The following TAFA2 variants were observed in gnomAD, a reference collection of about 807,000 sequenced individuals.
TAFA2 encodes the protein chemokine-like protein TAFA-2.
In TAFA2, 7 loss-of-function variants were observed where a neutral mutation model predicts 18.8. That is an observed-to-expected ratio of 0.37 (90% CI 0.21 to 0.70). The LOEUF is 0.70. TAFA2 is among the 30% of genes least tolerant of loss of function. TAFA2 has a pLI of 0.53. For synonymous variants in TAFA2, 60 were observed against 54.2 expected (o/e 1.11, Z -0.47); for missense variants, 122 against 158.1 (o/e 0.77, Z 1.23).
intron 1 of TAFA2, among the ~76,000 whole-genome samples, chr12:61,957,083 G>A (rs1040638099): frequency 1.2e-4 from 19 of 152,132 alleles, no homozygotes; most frequent in African/African-American, 4.6e-4. Flanking sequence ...CGCTGACAGA[G>A]ATGGCAGTTA....
At chr12:62,168,306 A>ACAC (rs761288859) in intron 1 of TAFA2, among the ~76,000 whole-genome samples, 25 of 152,196 alleles carry the variant, frequency 1.6e-4, no homozygotes, top group Non-Finnish European at 3.2e-4. Context: ...ACACAACTAT[A>ACAC]CACCACCACC....
intron 1 of TAFA2, among the ~76,000 whole-genome samples, chr12:62,018,440 G>A (rs933519292): frequency 1.6e-4 from 25 of 152,058 alleles, no homozygotes; most frequent in African/African-American, 2.4e-4. Context: ...ATCTAGAAAT[G>A]TCAGTTCAAC....
chr12:62,156,077 C>G (rs942260045), intron 1 of TAFA2, among the ~76,000 whole-genome samples: 5 of 152,142 alleles, frequency 3.3e-5, no homozygotes, highest in African/African-American at 9.6e-5. Context: ...GAATCTACAA[C>G]AAACTCAAAC....
At chr12:62,203,321 TG>T (rs1448370386) in intron 1 of TAFA2, among the ~76,000 whole-genome samples, 1 of 152,246 alleles carries the variant, frequency 6.6e-6, no homozygotes, top group African/African-American at 2.4e-5. Flanking sequence ...CTGTTGTTTT[TG>T]GGTGGAGAGT....
intron 1 of TAFA2, among the ~76,000 whole-genome samples, chr12:61,998,440 C>T (rs1431231688): frequency 6.6e-6 from 1 of 152,144 alleles, no homozygotes; most frequent in African/African-American, 2.4e-5. Context: ...GCAAACAATA[C>T]TTTTTTATAC....
chr12:62,093,991 T>G (rs1209661947), intron 1 of TAFA2, among the ~76,000 whole-genome samples: 2 of 152,032 alleles, frequency 1.3e-5, no homozygotes, highest in Non-Finnish European at 2.9e-5. Flanking sequence ...AAGGTTAAAA[T>G]GAATGTAGCC....
chr12:61,984,453 G>A, intron 1 of TAFA2, among the ~76,000 whole-genome samples: 1 of 152,130 alleles, frequency 6.6e-6, no homozygotes, highest in Non-Finnish European at 1.5e-5. Flanking sequence ...AACAGCTGAG[G>A]GAAAACATTA....
rs148533880 is a variant in TAFA2 at position 62,045,952 on chromosome 12, C to T, written c.-2+145307G>A. On this transcript the variant is annotated intron_variant, in intron 1 of 4. Transcript: ENST00000416284. ...CCAGAGCAAGAGATCTGAGAGCTAA[C>T]GGAGAACTTAAGAATGAGAACTGTG... Among the ~76,000 whole-genome samples the T allele has an allele frequency of 1.3e-4, 20 of 151,992 alleles. 1 individual carries two copies. The highest frequency in any genetic ancestry group is 3.9e-4 in the East Asian group (2 of 5,170).
chr12:61,943,496 G>A (rs1410648521), intron 1 of TAFA2, among the ~76,000 whole-genome samples: 16 of 143,726 alleles, frequency 1.1e-4, no homozygotes, highest in African/African-American at 3.6e-4. Context: ...CCAATTAAAA[G>A]ACACAGACTG....
intron 2 of TAFA2, among the ~76,000 whole-genome samples, chr12:61,777,287 T>C (rs757855305): frequency 1.3e-5 from 2 of 151,878 alleles, no homozygotes; most frequent in Non-Finnish European, 2.9e-5. Flanking sequence ...AGTTTCCTCA[T>C]CTGCAAATCA....
chr12:61,834,608 A>G (rs902281127), intron 2 of TAFA2, among the ~76,000 whole-genome samples: 1 of 152,022 alleles, frequency 6.6e-6, no homozygotes, highest in African/African-American at 2.4e-5. Flanking sequence ...TAAAGGGTCA[A>G]CACATGCTTT....
chr12:61,786,461 CA>C (rs749730115), intron 2 of TAFA2, among the ~76,000 whole-genome samples: 1 of 151,164 alleles, frequency 6.6e-6, no homozygotes, highest in African/African-American at 2.4e-5. Flanking sequence ...CACAGAGGTA[CA>C]AAAAAAGTCC....
At chr12:61,907,789 C>T (rs1246378481) in intron 1 of TAFA2, among the ~76,000 whole-genome samples, 1 of 152,156 alleles carries the variant, frequency 6.6e-6, no homozygotes, top group Non-Finnish European at 1.5e-5. Flanking sequence ...GGTGGAGCTG[C>T]CCAAGGCTAT....
At chr12:61,836,684 T>C (rs1327965577) in intron 2 of TAFA2, among the ~76,000 whole-genome samples, 1 of 149,566 alleles carries the variant, frequency 6.7e-6, no homozygotes, top group Non-Finnish European at 1.5e-5. Context: ...TATATCTCTT[T>C]TTGCCATAAA....
intron 1 of TAFA2, among the ~76,000 whole-genome samples, chr12:62,128,258 G>A (rs1245424): frequency 0.34 from 52,240 of 151,812 alleles, 9,217 homozygotes; most frequent in African/African-American, 0.4. Context: ...TTGTCTATTC[G>A]ATGTTAATCT....
At chr12:62,122,195 C>A (rs111732111) in intron 1 of TAFA2, among the ~76,000 whole-genome samples, 18,049 of 152,170 alleles carry the variant, frequency 0.12, 1,366 homozygotes, top group Middle Eastern at 0.18. Flanking sequence ...ATGTAAAAAA[C>A]CTGCACTTGT....
At chr12:62,105,873 C>T (rs928570697) in intron 1 of TAFA2, among the ~76,000 whole-genome samples, 1 of 152,122 alleles carries the variant, frequency 6.6e-6, no homozygotes, top group Admixed American at 6.5e-5. Context: ...TAGAGGGCAA[C>T]ATCAAAAGGA....
chr12:61,836,609 T>C (rs1311942345), intron 2 of TAFA2, among the ~76,000 whole-genome samples: 1 of 151,522 alleles, frequency 6.6e-6, no homozygotes, highest in Admixed American at 6.6e-5. Context: ...AAATCAAAGC[T>C]CTTATAAAAT....
intron 1 of TAFA2, among the ~76,000 whole-genome samples, chr12:62,153,059 A>G (rs2062340345): frequency 6.6e-6 from 1 of 152,198 alleles, no homozygotes. Context: ...AATTTTTTTA[A>G]TGAATGAATA....
Sources: gnomAD v4.1 joint callset for allele counts (sites outside exome capture counted in the v4.1 genomes callset) on GRCh38, gnomAD v4.1.1 for gene constraint, MANE v1.5 for transcripts, NCBI Gene and HGNC (gene_info 2026-07-23, HGNC 2026-07-21) for gene names.